GABRG3: variants seen among roughly 807,000 people sequenced by gnomAD.
The protein encoded by GABRG3 is gamma-aminobutyric acid receptor subunit gamma-3.
A neutral mutation model predicts 48.8 loss-of-function variants in GABRG3; 25 were observed. The ratio of observed to expected loss-of-function variants is 0.51; its 90% confidence interval spans 0.37 to 0.72. The LOEUF (loss-of-function observed/expected upper bound fraction) is 0.72, where lower values mean the gene tolerates loss of function less well. Ranked by LOEUF, GABRG3 falls within the 30% of genes least tolerant of loss-of-function variation. The probability of loss-of-function intolerance (pLI) is 0.00; values close to 1 mark genes in which losing one functional copy is unlikely to be tolerated. For synonymous variants in GABRG3, 227 were observed against 217.6 expected, an observed-to-expected ratio of 1.04 and a Z score of -0.38; for missense variants, 394 against 577.9, an observed-to-expected ratio of 0.68 and a Z score of 3.26.
chr15:27,058,800 C>G (rs1253396723), intron 3 of GABRG3, among the ~76,000 whole-genome samples: 1 of 152,154 alleles, frequency 6.6e-6, no homozygotes, highest in African/African-American at 2.4e-5. Flanking sequence ...GTGATTAGCA[C>G]TGTCTATAAA....
At chr15:27,401,303 A>C (rs1287694937) in intron 5 of GABRG3, among the ~76,000 whole-genome samples, 4 of 152,166 alleles carry the variant, frequency 2.6e-5, no homozygotes, top group African/African-American at 4.8e-5. Context: ...GGATTCCTTA[A>C]TTACCATATG....
chr15:26,971,625 A>C, intron 1 of GABRG3, 37 bp downstream of exon 1: 1 of 1,517,640 alleles, frequency 6.6e-7, no homozygotes, highest in Non-Finnish European at 8.8e-7. Context: ...GGAGGCCCCG[A>C]GCTGGGCGAC....
chr15:27,220,000 C>G (rs767533929), intron 3 of GABRG3, among the ~76,000 whole-genome samples: 1 of 152,264 alleles, frequency 6.6e-6, no homozygotes, highest in East Asian at 1.9e-4. Flanking sequence ...TCGGCTCACC[C>G]AGCATGCAGA....
intron 5 of GABRG3, among the ~76,000 whole-genome samples, chr15:27,394,631 G>C (rs2140580161): frequency 6.6e-6 from 1 of 152,244 alleles, no homozygotes; most frequent in African/African-American, 2.4e-5. Flanking sequence ...TTCTTGTAAA[G>C]CAGGTGTGTT....
At chr15:27,401,700 G>A (rs1289738962) in intron 5 of GABRG3, among the ~76,000 whole-genome samples, 2 of 152,186 alleles carry the variant, frequency 1.3e-5, no homozygotes, top group African/African-American at 2.4e-5. Flanking sequence ...CAGCTGGACT[G>A]TAGATTAACT....
chr15:27,257,802 C>T (rs560358284), intron 3 of GABRG3, among the ~76,000 whole-genome samples: 1 of 150,352 alleles, frequency 6.7e-6, no homozygotes, highest in East Asian at 2.0e-4. Flanking sequence ...GCATGCACCA[C>T]CACACGTGGC....
intron 6 of GABRG3, among the ~76,000 whole-genome samples, chr15:27,490,891 CCCA>C (rs1355879048): frequency 6.6e-6 from 1 of 151,892 alleles, no homozygotes; most frequent in Non-Finnish European, 1.5e-5. Flanking sequence ...TGCCACCACC[CCCA>C]CCACCACCCC....
At chr15:27,396,035 A>T (rs771628015) in intron 5 of GABRG3, among the ~76,000 whole-genome samples, 2 of 152,000 alleles carry the variant, frequency 1.3e-5, no homozygotes, top group African/African-American at 4.8e-5. Flanking sequence ...TAATTTTGTT[A>T]TTTCTTTGTG....
intron 1 of GABRG3, among the ~76,000 whole-genome samples, chr15:26,973,586 C>G (rs559142633): frequency 1.3e-5 from 2 of 152,196 alleles, no homozygotes; most frequent in Non-Finnish European, 2.9e-5. Context: ...GGATAAGGGT[C>G]TGATGGCTGT....
intron 3 of GABRG3, among the ~76,000 whole-genome samples, chr15:27,242,396 A>G (rs1890153536): frequency 6.6e-6 from 1 of 152,214 alleles, no homozygotes; most frequent in African/African-American, 2.4e-5. Context: ...ATCTTTGAGT[A>G]TATGTGATTA....
intron 3 of GABRG3, among the ~76,000 whole-genome samples, chr15:27,046,870 G>A (rs1431995665): frequency 6.6e-6 from 1 of 151,998 alleles, no homozygotes; most frequent in Non-Finnish European, 1.5e-5. Context: ...AACACTTAGA[G>A]GAATTTGATG....
chr15:27,279,545 G>A (rs1483469966), intron 3 of GABRG3, among the ~76,000 whole-genome samples: 1 of 152,116 alleles, frequency 6.6e-6, no homozygotes, highest in Non-Finnish European at 1.5e-5. Context: ...AATTGCTTTT[G>A]CACTTTTGCT....
At chr15:27,012,088 A>G (rs1895699656) in intron 2 of GABRG3, among the ~76,000 whole-genome samples, 1 of 152,152 alleles carries the variant, frequency 6.6e-6, no homozygotes, top group South Asian at 2.1e-4. Flanking sequence ...AATATTTTGA[A>G]TACTGCAGAT....
Position 27,319,222 on chromosome 15 carries a change from GAA to G in GABRG3, c.271-7581_271-7580del, listed in dbSNP as rs909756368. Among the ~76,000 whole-genome samples, 1 of 152,198 alleles carries G rather than the reference GAA, an allele frequency of 6.6e-6. No individual in the cohort carries two copies. Among genetic ancestry groups the G allele is most frequent in the African/African-American group, 2.4e-5 (1 of 41,544 alleles). ...AATTCTAGCTCAGTAAAGCCAGGGG[GAA>G]AAAAATGTCTGAAACCAACAAGGGC... On this transcript the variant is annotated intron_variant, in intron 3 of 9. Transcript: ENST00000615808. The surrounding 1 kb of genome is among the most constrained non-coding windows in gnomAD (Gnocchi z 4.4).
rs538749850 is a variant in GABRG3, at chr15:27,053,998, A to G, written c.270+27177A>G. 1.1e-4 allele frequency among the ~76,000 whole-genome samples: 17 copies of G among 152,182 alleles called. 1 individual carries two copies. In the East Asian group the frequency reaches 2.1e-3, roughly 19 times the overall value. ...AGGGAGGGGCCGGGTGTGGCGGCTCACGCCTCTAATCCCTGCACTTTGACT... is the reference window on the plus strand; with the variant it reads ...AGGGAGGGGCCGGGTGTGGCGGCTCGCGCCTCTAATCCCTGCACTTTGACT... On this transcript the variant is annotated intron_variant, in intron 3 of 9. Coordinates refer to ENST00000615808, the MANE Select transcript of GABRG3 (RefSeq NM_033223.5).
intron 3 of GABRG3, among the ~76,000 whole-genome samples, chr15:27,205,446 A>G (rs9806242): frequency 0.05 from 7,540 of 151,932 alleles, 311 homozygotes; most frequent in East Asian, 0.16. Context: ...GTGCTACTGG[A>G]TTTGGTTTGC....
Position 27,307,120 on chromosome 15 carries a change from CATA to C in GABRG3, c.271-19685_271-19683del, listed in dbSNP as rs1363638488. Reference sequence around the variant, plus strand: ...TAATATAAACATGTTTATATATAAACATAATATAAACATGTTTATACATATATA... The same window carrying C: ...TAATATAAACATGTTTATATATAAACATATAAACATGTTTATACATATATA... On this transcript the variant is annotated intron_variant, in intron 3 of 9. Coordinates refer to ENST00000615808, the MANE Select transcript of GABRG3 (RefSeq NM_033223.5). Among the ~76,000 whole-genome samples, 29 of 118,840 alleles carry C rather than the reference CATA, an allele frequency of 2.4e-4. No homozygotes were observed. In the East Asian group the frequency reaches 5.5e-3, roughly 23 times the overall value. 78.0% of individuals were successfully genotyped at this position (118,840 alleles called of 152,430 possible).
chr15:27,207,661 A>G (rs971279333), intron 3 of GABRG3, among the ~76,000 whole-genome samples: 2 of 152,190 alleles, frequency 1.3e-5, no homozygotes, highest in African/African-American at 4.8e-5. Flanking sequence ...CCAGGGGGGC[A>G]CAGATGTGGT....
chr15:27,342,072 C>T (rs1419334038), intron 5 of GABRG3, among the ~76,000 whole-genome samples: 2 of 152,180 alleles, frequency 1.3e-5, no homozygotes, highest in Admixed American at 6.5e-5. Flanking sequence ...TCAGTGTGAG[C>T]ATGTCAGAGT....
Sources: allele counts gnomAD v4.1 joint callset (sites outside exome capture counted in the v4.1 genomes callset), GRCh38; gene constraint gnomAD v4.1.1; non-coding constraint Gnocchi (gnomAD v3.1); transcripts MANE v1.5; gene names NCBI Gene and HGNC (gene_info 2026-07-23, HGNC 2026-07-21).